EXPH5: variants seen among roughly 807,000 people sequenced by gnomAD.
EXPH5 encodes exophilin 5.
In EXPH5, 42 loss-of-function variants were observed where a neutral mutation model predicts 41.1. That is an observed-to-expected ratio of 1.02 (90% CI 0.80 to 1.32). EXPH5 has a LOEUF of 1.32. EXPH5 is among the 40% of genes most tolerant of loss of function. The pLI, the probability that EXPH5 is intolerant of heterozygous loss-of-function variation, is 0.00. For synonymous variants in EXPH5, 798 were observed against 833.5 expected (o/e 0.96, Z 0.73); for missense variants, 2,298 against 2,314.5 (o/e 0.99, Z 0.15).
At chr11:108,571,279 T>C (rs1023483898) in intron 1 of EXPH5, among the ~76,000 whole-genome samples, 1 of 152,180 alleles carries the variant, frequency 6.6e-6, no homozygotes, top group African/African-American at 2.4e-5. Context: ...GCCTTCCCAG[T>C]TACCTACTGT....
chr11:108,506,633 C>T lies in EXPH5; in HGVS notation c.*2904G>A, dbSNP rs2093645345. On this transcript the variant is annotated 3_prime_UTR_variant, in exon 6 of 6. Transcript: ENST00000265843. ...AAGAACCTCAATATTAAAATATTAA[C>T]TCTGAGTATCTTAAAATTGCATAGA... is the stretch of plus-strand genomic sequence containing the variant. 2 of 152,022 alleles carry T rather than the reference C, an allele frequency of 1.3e-5. No individual in the cohort carries two copies. Among genetic ancestry groups the T allele is most frequent in the African/African-American group, 4.8e-5 (2 of 41,380 alleles). 9.4% of individuals were successfully genotyped at this position (152,022 alleles called of 1,614,324 possible). A position where few individuals can be genotyped will look rare whatever the true frequency, so the allele number is the denominator to read the frequency against.
chr11:108,584,927 T>C (rs1244894866), intron 1 of EXPH5, among the ~76,000 whole-genome samples: 4 of 152,140 alleles, frequency 2.6e-5, no homozygotes, highest in South Asian at 4.1e-4. Flanking sequence ...ACTGGGTAAC[T>C]TTTACTCCAC....
At chr11:108,598,154 T>C (rs115611890), upstream of EXPH5, among the ~76,000 whole-genome samples, 1,172 of 152,298 alleles carry the variant, frequency 7.7e-3, 15 homozygotes, top group African/African-American at 0.026. Context: ...TGAGATGTCA[T>C]ATGAGCTAAA....
At chr11:108,574,178 A>G (rs1002327775) in intron 1 of EXPH5, among the ~76,000 whole-genome samples, 1 of 151,682 alleles carries the variant, frequency 6.6e-6, no homozygotes, top group Non-Finnish European at 1.5e-5. Context: ...CAAAGTGCGG[A>G]GATTACAGGC....
At chr11:108,561,928 C>T (rs905291637) in intron 1 of EXPH5, among the ~76,000 whole-genome samples, 1 of 152,144 alleles carries the variant, frequency 6.6e-6, no homozygotes, top group African/African-American at 2.4e-5. Flanking sequence ...AGAAGCTGGA[C>T]CACAAGCCTG....
rs1412764630 is a variant in EXPH5 at position 108,511,904 on chromosome 11, A to G, written c.3603T>C (p.Ser1201=). 2.5e-6 allele frequency: 4 copies of G among 1,592,256 alleles called. No individual in the cohort carries two copies. In the South Asian group the frequency reaches 4.6e-5, roughly 18 times the overall value. Residue 1201 remains serine (S), a synonymous_variant, in exon 6 of 6, where the codon AGT becomes AGC. Transcript: ENST00000265843. ...GGTCTTCATTTGAAAGAGCAAATAC[A>G]CTTCTCCTGGAGGCAGCCATTTTAC... ...KEGKMAASRR[S]VFALSNEDPL... is the part of the protein sequence containing the mutation.
intron 1 of EXPH5, among the ~76,000 whole-genome samples, chr11:108,564,077 C>T (rs905171658): frequency 4.0e-5 from 6 of 151,800 alleles, no homozygotes; most frequent in Admixed American, 2.6e-4. Flanking sequence ...GTCAGGAGTT[C>T]GAGGTCAGCC....
intron 5 of EXPH5, among the ~76,000 whole-genome samples, chr11:108,516,929 T>C (rs2135942584): frequency 6.6e-6 from 1 of 152,290 alleles, no homozygotes; most frequent in East Asian, 1.9e-4. Flanking sequence ...GCATAATGAA[T>C]AAAAATCTAT....
chr11:108,535,348 G>C (rs987951048), intron 3 of EXPH5, among the ~76,000 whole-genome samples: 1 of 152,118 alleles, frequency 6.6e-6, no homozygotes, highest in Non-Finnish European at 1.5e-5. Context: ...CACTCCCCTC[G>C]TCTTGTTTCT....
intron 4 of EXPH5, among the ~76,000 whole-genome samples, chr11:108,523,244 C>T (rs1487856662): frequency 1.3e-5 from 2 of 152,124 alleles, no homozygotes; most frequent in Non-Finnish European, 2.9e-5. Context: ...TCCTCTCTTA[C>T]TGAATCCTTA....
In EXPH5 at chr11:108,514,889, G is replaced by A. The variant is rs2093714394; in HGVS notation, c.632-14C>T. On this transcript the variant is annotated splice_polypyrimidine_tract_variant and intron_variant, in intron 5 of 5. Coordinates refer to ENST00000265843, the MANE Select transcript of EXPH5 (RefSeq NM_015065.3). ...AGTCATCTAAAACTGAAAAGAGAAT[G>A]TGAATCAACCTTTTTCTGTATGTTT... 1.4e-6 allele frequency: 2 copies of A among 1,403,994 alleles called. No individual in the cohort carries two copies. Among genetic ancestry groups the A allele is most frequent in the Non-Finnish European group, 9.3e-7 (1 of 1,074,882 alleles). The allele number at this position is 1,403,994 out of a possible 1,614,324, so 87.0% of individuals were successfully genotyped here. A position where few individuals can be genotyped will look rare whatever the true frequency, so the allele number is the denominator to read the frequency against.
In EXPH5 at chr11:108,514,048, G is replaced by A. The variant is rs1483919079; in HGVS notation, c.1459C>T (p.His487Tyr). 2 of 1,614,118 alleles carry A rather than the reference G, an allele frequency of 1.2e-6. No homozygotes were observed. The highest frequency in any genetic ancestry group is 1.1e-5 in the South Asian group (1 of 91,056). ...CGATGAAAGTCAGACCAGAAAGAAT[G>A]TCCTTTCTCTTGGCCCCAAAAAGGA... Reference protein sequence around the residue: ...QGPFWGQEKGHSFWSDFHRSR... With the variant: ...QGPFWGQEKGYSFWSDFHRSR... The change falls in exon 6 of 6, where the codon CAT becomes TAT. Residue 487 changes from histidine (H) to tyrosine (Y), a missense_variant. Coordinates refer to ENST00000265843, the MANE Select transcript of EXPH5 (RefSeq NM_015065.3).
intron 4 of EXPH5, among the ~76,000 whole-genome samples, chr11:108,525,311 G>A (rs2093791276): frequency 6.6e-6 from 1 of 152,238 alleles, no homozygotes; most frequent in African/African-American, 2.4e-5. Flanking sequence ...AGTGTAAGAA[G>A]TGCCACATTG....
intron 3 of EXPH5, among the ~76,000 whole-genome samples, chr11:108,528,989 C>A (rs1031797245): frequency 1.3e-5 from 2 of 151,804 alleles, no homozygotes; most frequent in Non-Finnish European, 2.9e-5. Flanking sequence ...AGGTGTGAGC[C>A]GTGGTGCCTG....
intron 1 of EXPH5, among the ~76,000 whole-genome samples, chr11:108,591,050 T>G (rs1382433322): frequency 6.6e-6 from 1 of 152,192 alleles, no homozygotes; most frequent in East Asian, 1.9e-4. Flanking sequence ...CCCAACCTGC[T>G]AAATTTCTAA....
chr11:108,594,289 C>T (rs559233077), upstream of EXPH5, among the ~76,000 whole-genome samples: 1 of 152,284 alleles, frequency 6.6e-6, no homozygotes, highest in East Asian at 1.9e-4. Flanking sequence ...CCACAAAAGT[C>T]ATTCTTAGAC....
intron 1 of EXPH5, among the ~76,000 whole-genome samples, chr11:108,591,463 C>T (rs1226338013): frequency 6.6e-6 from 1 of 152,182 alleles, no homozygotes; most frequent in Non-Finnish European, 1.5e-5. Context: ...AAGGAAAAGA[C>T]AGTACTAGAA....
the EXPH5 span, among the ~76,000 whole-genome samples, chr11:108,601,642 A>T: frequency 6.6e-6 from 1 of 152,178 alleles, no homozygotes; most frequent in African/African-American, 2.4e-5. Context: ...CATTTCCCCT[A>T]TATTGTAAGT....
chr11:108,584,097 GT>G (rs1261747222), intron 1 of EXPH5, among the ~76,000 whole-genome samples: 1 of 152,166 alleles, frequency 6.6e-6, no homozygotes, highest in Non-Finnish European at 1.5e-5. Context: ...AGACAAAATA[GT>G]TTTAAAAACA....
Sources: gnomAD v4.1 joint callset for allele counts (sites outside exome capture counted in the v4.1 genomes callset) on GRCh38, gnomAD v4.1.1 for gene constraint, MANE v1.5 for transcripts, NCBI Gene and HGNC (gene_info 2026-07-23, HGNC 2026-07-21) for gene names.